CNTLN: variants seen among roughly 807,000 people sequenced by gnomAD.
CNTLN encodes centlein, centrosomal protein.
Under a neutral mutation model 180.0 loss-of-function variants are expected in CNTLN, and 212 were observed. The observed-to-expected ratio is 1.18, with a 90% CI of 1.05 to 1.32. CNTLN has a LOEUF of 1.32. Ranked by LOEUF, CNTLN falls within the 40% of genes most tolerant of loss-of-function variation. The pLI is 0.00. For missense variants in CNTLN, 2,095 were observed against 1,610.9 expected (o/e 1.30, Z -5.14); for synonymous variants, 722 against 563.1 (o/e 1.28, Z -3.99).
At chr9:17,192,069 A>G (rs1821821178) in intron 2 of CNTLN, among the ~76,000 whole-genome samples, 4 of 152,176 alleles carry the variant, frequency 2.6e-5, no homozygotes, top group Admixed American at 2.6e-4. Context: ...ATATTCCTAT[A>G]TACTATCATA....
Position 17,266,238 on chromosome 9 carries a change from T to A in CNTLN, c.850-7495T>A, listed in dbSNP as rs141806418. On this transcript the variant is annotated intron_variant, in intron 5 of 25. Transcript: ENST00000380647. ...GTTCCAGAGATTCTGGTATGCTGTG[T>A]CTTTGTTATCATTGGTTTCAAATAA... Among the ~76,000 whole-genome samples the A allele has an allele frequency of 1.3e-5, 2 of 152,198 alleles. 1 individual carries two copies. The highest frequency in any genetic ancestry group is 4.1e-4 in the South Asian group (2 of 4,828).
chr9:17,438,779 A>G (rs1829936934), intron 18 of CNTLN, among the ~76,000 whole-genome samples: 1 of 152,206 alleles, frequency 6.6e-6, no homozygotes, highest in Non-Finnish European at 1.5e-5. Flanking sequence ...GATGGCATTT[A>G]AAAATGAAGC....
At chr9:17,151,819 T>A (rs975665215) in intron 2 of CNTLN, among the ~76,000 whole-genome samples, 3 of 152,222 alleles carry the variant, frequency 2.0e-5, no homozygotes, top group South Asian at 2.1e-4. Flanking sequence ...AGGCTGTTAA[T>A]TACTGTCTCA....
At chr9:17,279,840 T>C (rs1759441) in intron 6 of CNTLN, among the ~76,000 whole-genome samples, 74,830 of 151,836 alleles carry the variant, frequency 0.49, 19,643 homozygotes, top group South Asian at 0.7. Context: ...GGGCTCTGCC[T>C]TCATGAATGA....
intron 2 of CNTLN, among the ~76,000 whole-genome samples, chr9:17,177,184 C>T (rs768200582): frequency 9.2e-5 from 14 of 152,040 alleles, no homozygotes; most frequent in Non-Finnish European, 2.1e-4. Flanking sequence ...CTGAGGCAGG[C>T]AGATCACGAG....
At chr9:17,508,321 C>T (rs1833969221), downstream of CNTLN, among the ~76,000 whole-genome samples, 1 of 152,134 alleles carries the variant, frequency 6.6e-6, no homozygotes, top group Non-Finnish European at 1.5e-5. Context: ...TACACTTCAC[C>T]CAGATTCCCT....
At chr9:17,171,026 T>A (rs1321781261) in intron 2 of CNTLN, among the ~76,000 whole-genome samples, 1 of 152,208 alleles carries the variant, frequency 6.6e-6, no homozygotes, top group Admixed American at 6.5e-5. Context: ...TAGGTTTATG[T>A]GAGTACACTC....
At chr9:17,392,843 C>A (rs1169817464) in intron 14 of CNTLN, among the ~76,000 whole-genome samples, 1 of 151,472 alleles carries the variant, frequency 6.6e-6, no homozygotes, top group Non-Finnish European at 1.5e-5. Context: ...TCAGACATGA[C>A]TGAAATTCAT....
At chr9:17,348,667 A>T (rs1463771555) in intron 12 of CNTLN, among the ~76,000 whole-genome samples, 2 of 151,310 alleles carry the variant, frequency 1.3e-5, no homozygotes, top group African/African-American at 4.9e-5. Flanking sequence ...AGTAGCTGGG[A>T]TTATAGGCAT....
At chr9:17,165,707 G>A (rs908280487) in intron 2 of CNTLN, among the ~76,000 whole-genome samples, 1 of 152,212 alleles carries the variant, frequency 6.6e-6, no homozygotes, top group Non-Finnish European at 1.5e-5. Context: ...TACAGGATTA[G>A]CTATTATGAA....
intron 14 of CNTLN, among the ~76,000 whole-genome samples, chr9:17,394,146 GA>G (rs773286035): frequency 2.0e-5 from 3 of 151,762 alleles, no homozygotes; most frequent in South Asian, 2.1e-4. Context: ...GTCGAATATT[GA>G]AAAAAAGTTA....
At chr9:17,298,567 A>G in intron 7 of CNTLN, 2 of 1,206,642 alleles carry the variant, frequency 1.7e-6, no homozygotes, top group South Asian at 5.2e-5. Context: ...CTTAAAATAT[A>G]GATACAAACT....
chr9:17,400,207 G>C (rs1447269866), intron 15 of CNTLN, among the ~76,000 whole-genome samples: 5 of 151,916 alleles, frequency 3.3e-5, no homozygotes, highest in Admixed American at 3.3e-4. Flanking sequence ...GCGTGGTCTC[G>C]GCTCACTGCA....
chr9:17,458,584 T>C (rs1831273619), intron 19 of CNTLN, among the ~76,000 whole-genome samples: 1 of 151,960 alleles, frequency 6.6e-6, no homozygotes, highest in South Asian at 2.1e-4. Flanking sequence ...AGACTCATCA[T>C]TGTTTTCGGT....
Position 17,298,862 on chromosome 9 carries a change from G to GT in CNTLN, c.1146+514dup, listed in dbSNP as rs930066045. 12 of 985,274 alleles carry GT rather than the reference G, an allele frequency of 1.2e-5. No individual in the cohort carries two copies. In the African/African-American group the frequency reaches 2.1e-4, roughly 17 times the overall value. 61.0% of individuals were successfully genotyped at this position (985,274 alleles called of 1,614,324 possible). ...TTCAGTAGTCTTTTACTTTACAGTTGTTTTAGGAGCCTTTCAAGAAGGTTT... is the reference window on the plus strand; with the variant it reads ...TTCAGTAGTCTTTTACTTTACAGTTGTTTTTAGGAGCCTTTCAAGAAGGTTT... On this transcript the variant is annotated intron_variant, in intron 7 of 25. Coordinates refer to ENST00000380647, the MANE Select transcript of CNTLN (RefSeq NM_017738.4).
At chr9:17,377,776 G>T (rs1450800970) in intron 13 of CNTLN, among the ~76,000 whole-genome samples, 1 of 152,152 alleles carries the variant, frequency 6.6e-6, no homozygotes, top group African/African-American at 2.4e-5. Context: ...ACAGAGAGGT[G>T]TCTGAATTCC....
At chr9:17,440,399 C>T (rs531863279) in intron 18 of CNTLN, among the ~76,000 whole-genome samples, 62 of 149,026 alleles carry the variant, frequency 4.2e-4, no homozygotes, top group African/African-American at 1.1e-3. Context: ...GGGTGAAACC[C>T]CTTCTCTACT....
At chr9:17,431,460 A>C (rs982816220) in intron 18 of CNTLN, among the ~76,000 whole-genome samples, 2 of 151,984 alleles carry the variant, frequency 1.3e-5, no homozygotes, top group African/African-American at 4.8e-5. Flanking sequence ...TTTCAGATGG[A>C]TACTTTGCAA....
intron 2 of CNTLN, among the ~76,000 whole-genome samples, chr9:17,182,332 G>A (rs910413531): frequency 6.6e-6 from 1 of 152,000 alleles, no homozygotes; most frequent in Non-Finnish European, 1.5e-5. Context: ...AACTTTTTCT[G>A]TTCCATATCT....
Sources: allele counts gnomAD v4.1 joint callset (sites outside exome capture counted in the v4.1 genomes callset), GRCh38; gene constraint gnomAD v4.1.1; transcripts MANE v1.5; gene names NCBI Gene and HGNC (gene_info 2026-07-23, HGNC 2026-07-21).